The following KIF1A variants were observed in gnomAD, a reference collection of about 807,000 sequenced individuals.
The protein encoded by KIF1A is kinesin-like protein KIF1A.
KIF1A carries 46 observed loss-of-function variants against 227.3 expected under a neutral mutation model. The observed-to-expected ratio is 0.20, with a 90% CI of 0.16 to 0.26. The LOEUF (loss-of-function observed/expected upper bound fraction) is 0.26. Among genes scored for constraint, KIF1A ranks in the 10% least tolerant of loss-of-function variants. The pLI is 1.00. For missense variants in KIF1A, 1,683 were observed against 2,485.9 expected (o/e 0.68, Z 6.87); for synonymous variants, 1,022 against 1,012.8 (o/e 1.01, Z -0.17).
chr2:240,805,426 A>G (rs1408556302), intron 1 of KIF1A, among the ~76,000 whole-genome samples: 1 of 151,934 alleles, frequency 6.6e-6, no homozygotes, highest in Non-Finnish European at 1.5e-5. Flanking sequence ...CACAGAATTA[A>G]TGAACTGGAA....
intron 34 of KIF1A, among the ~76,000 whole-genome samples, chr2:240,742,311 C>T (rs1160320623): frequency 6.6e-6 from 1 of 152,188 alleles, no homozygotes; most frequent in East Asian, 1.9e-4. Context: ...GACCACACTC[C>T]CTCCTTCAGG....
Position 240,793,818 on chromosome 2 carries a change from G to C in KIF1A, c.106+3829C>G, listed in dbSNP as rs1408027580. Among the ~76,000 whole-genome samples the C allele has an allele frequency of 6.6e-6, 1 of 152,194 alleles. No individual in the cohort carries two copies. Among genetic ancestry groups the C allele is most frequent in the Non-Finnish European group, 1.5e-5 (1 of 68,044 alleles). On this transcript the variant is annotated intron_variant, in intron 2 of 48. Coordinates refer to ENST00000498729, the MANE Select transcript of KIF1A (RefSeq NM_001244008.2). The surrounding 1 kb of genome is among the most constrained non-coding windows in gnomAD (Gnocchi z 4.8). ...TTTAGAGAGTGGGGCCTCTCCTCAT[G>C]TTTTGAGACTCCAGGAACAGTCAGC...
Position 240,725,632 on chromosome 2 carries a change from G to A in KIF1A, c.4123-228C>T. The A allele has an allele frequency of 1.9e-6, 1 of 539,656 alleles. No homozygotes were observed. The highest frequency in any genetic ancestry group is 3.3e-6 in the Non-Finnish European group (1 of 305,512). The allele number at this position is 539,656 out of a possible 1,614,324, so 33.4% of individuals were successfully genotyped here. A position where few individuals can be genotyped will look rare whatever the true frequency, so the allele number is the denominator to read the frequency against. ...AGCTCTGTCCACCCCTGGGCTGCCT[G>A]AGGGACTGGTCTCCATGTGTGGGGA... On this transcript the variant is annotated intron_variant, in intron 39 of 48. Transcript: ENST00000498729. This position sits in a 1 kb window ranked among gnomAD's most constrained non-coding sequence, Gnocchi z 5.8.
chr2:240,788,341 A>G lies in KIF1A; in HGVS notation c.184-111T>C, dbSNP rs114898476. ...CAGGGCCTCAGGGTGCCAGGGCAGC[A>G]CAGTGGGGAGGGATGCCTGCCCCCC... is the stretch of plus-strand genomic sequence containing the variant. On this transcript the variant is annotated intron_variant, in intron 3 of 48. Transcript: ENST00000498729. This position sits in a 1 kb window ranked among gnomAD's most constrained non-coding sequence, Gnocchi z 6.6. The G allele has an allele frequency of 3.5e-3, 3,444 of 979,248 alleles. 79 individuals carry two copies. The African/African-American group carries it at 0.046, about 13-fold the overall frequency. The allele number at this position is 979,248 out of a possible 1,614,324, so 60.7% of individuals were successfully genotyped here.
chr2:240,767,483 T>A lies in KIF1A; in HGVS notation c.1498-138A>T. ...CCGCACTTGGCTGGTGCCACCAGGC[T>A]GGTCACTCCAAGCCAGGAAAATGAG... On this transcript the variant is annotated intron_variant, in intron 17 of 48. Coordinates refer to ENST00000498729, the MANE Select transcript of KIF1A (RefSeq NM_001244008.2). The A allele has an allele frequency of 2.0e-5, 14 of 692,470 alleles. No homozygotes were observed. The South Asian group carries it at 2.4e-4, about 12-fold the overall frequency. The allele number at this position is 692,470 out of a possible 1,614,324, so 42.9% of individuals were successfully genotyped here. A position where few individuals can be genotyped will look rare whatever the true frequency, so the allele number is the denominator to read the frequency against.
Position 240,746,039 on chromosome 2 carries a change from C to A in KIF1A, c.3202G>T (p.Ala1068Ser). The part of the protein sequence containing the change: ...ADEVNNNTCS[A>S]VPPEGLLLDS... ...TGGGCAGCTGGGGTGGGCGACCCAC[C>A]TGAACAGGTGTTGTTGTTGACTTCA... The change falls in exon 30 of 49, where the codon GCA becomes TCA. Residue 1068 changes from alanine to serine, a missense_variant and splice_region_variant. Physicochemically the swap from Ala to Ser is moderately conservative, Grantham distance 99. Coordinates refer to ENST00000498729, the MANE Select transcript of KIF1A (RefSeq NM_001244008.2). 6.2e-7 allele frequency: 1 copy of A among 1,607,808 alleles called. No individual in the cohort carries two copies. The highest frequency in any genetic ancestry group is 2.2e-5 in the East Asian group (1 of 44,644).
chr2:240,744,024 T>G lies in KIF1A; in HGVS notation c.3502A>C (p.Ile1168Leu), dbSNP rs1460223242. The part of the protein sequence containing the change: ...VEVTKSFIEY[I>L]KSQPIVFEVF... Reference sequence around the variant, plus strand: ...TCGAAAACAATGGGCTGGCTCTTGATGTACTCAATGAAGGACTTGGTCACC... The same window carrying G: ...TCGAAAACAATGGGCTGGCTCTTGAGGTACTCAATGAAGGACTTGGTCACC... The change falls in exon 33 of 49, where the codon ATC (isoleucine) becomes CTC (leucine). Residue 1168 changes from isoleucine to leucine, a missense_variant. Ile to Leu is a conservative substitution (Grantham distance 5). Transcript: ENST00000498729. The G allele has an allele frequency of 9.3e-6, 15 of 1,613,726 alleles. No homozygotes were observed. Among genetic ancestry groups the G allele is most frequent in the Non-Finnish European group, 1.3e-5 (15 of 1,179,738 alleles).
rs1459851512 is a variant in KIF1A, at chr2:240,778,857, TCA to T, written c.883-2933_883-2932del. On this transcript the variant is annotated intron_variant, in intron 10 of 48. Transcript: ENST00000498729. This position sits in a 1 kb window ranked among gnomAD's most constrained non-coding sequence, Gnocchi z 7.2. ...GCTCACACACTTCCTCACACGTTCC[TCA>T]CACAACCCTTCACGCCATCCCCAAT... Among the ~76,000 whole-genome samples the T allele has an allele frequency of 1.3e-5, 2 of 151,546 alleles. No homozygotes were observed. Among genetic ancestry groups the T allele is most frequent in the African/African-American group, 4.9e-5 (2 of 41,140 alleles).
chr2:240,802,921 T>C (rs1222034330), intron 1 of KIF1A, among the ~76,000 whole-genome samples: 1 of 152,230 alleles, frequency 6.6e-6, no homozygotes, highest in African/African-American at 2.4e-5. Context: ...TGAGTCACCA[T>C]GCCCAGCCTC....
chr2:240,750,575 G>T, intron 27 of KIF1A, 28 bp from the exon 28 acceptor site: 1 of 1,512,820 alleles, frequency 6.6e-7, no homozygotes, highest in Non-Finnish European at 9.2e-7. Flanking sequence ...CGGCGGTCAT[G>T]GGCCACCCCT....
intron 27 of KIF1A, among the ~76,000 whole-genome samples, chr2:240,755,900 C>T (rs2049791993): frequency 6.6e-6 from 1 of 152,062 alleles, no homozygotes. Flanking sequence ...CTGCATGGAA[C>T]TGGCCTTGGG....
rs1045401407 is a variant in KIF1A at position 240,785,592 on chromosome 2, C to A, written c.609-492G>T. Among the ~76,000 whole-genome samples the A allele has an allele frequency of 3.5e-4, 54 of 152,300 alleles. 1 individual carries two copies. The highest frequency in any genetic ancestry group is 3.1e-3 in the Admixed American group (48 of 15,312). ...TGCTGAGGGTGGCCTGGAGTTGGTC[C>A]TGATGCCACCCTGACCTGCCAGGGA... On this transcript the variant is annotated intron_variant, in intron 6 of 48. Transcript: ENST00000498729.
intron 14 of KIF1A, among the ~76,000 whole-genome samples, chr2:240,771,992 G>T (rs964740453): frequency 1.3e-5 from 2 of 152,254 alleles, no homozygotes; most frequent in Non-Finnish European, 2.9e-5. Context: ...GCCAAGCTCG[G>T]GGAGGCACTG....
chr2:240,733,733 C>T (rs1441246234), intron 38 of KIF1A, among the ~76,000 whole-genome samples: 1 of 152,196 alleles, frequency 6.6e-6, no homozygotes, highest in Non-Finnish European at 1.5e-5. Context: ...CCAGGAGCGG[C>T]CTCACACCTC....
At chr2:240,796,420 G>T (rs1294602090) in intron 2 of KIF1A, among the ~76,000 whole-genome samples, 1 of 152,136 alleles carries the variant, frequency 6.6e-6, no homozygotes, top group Non-Finnish European at 1.5e-5. Flanking sequence ...CAAGGCCAGG[G>T]CCCCGGCCAC....
At chr2:240,720,138 G>A (rs1272632473) in intron 45 of KIF1A, 1 of 458,774 alleles carries the variant, frequency 2.2e-6, no homozygotes, top group African/African-American at 2.0e-5. Context: ...GGGCTTGGTG[G>A]GCAGGGTCCC....
intron 1 of KIF1A, among the ~76,000 whole-genome samples, chr2:240,800,497 CCGGGGTGTATTTGCATTCTGCGCA>C (rs959474568): frequency 7.2e-5 from 11 of 152,134 alleles, no homozygotes; most frequent in Non-Finnish European, 1.2e-4. Context: ...AGCACAGCCT[CCGGGGTGTATTTGCATTCTGCGCA>C]CGGGGCAAGA....
At chr2:240,777,302 C>A (rs1238688498) in intron 10 of KIF1A, among the ~76,000 whole-genome samples, 1 of 152,194 alleles carries the variant, frequency 6.6e-6, no homozygotes, top group Non-Finnish European at 1.5e-5. Context: ...CCTCGGGCTC[C>A]CAAAGTGCTG....
At position 240,766,291 on chromosome 2, in the gene KIF1A, C is replaced by T. The variant is rs972949171; in HGVS notation, c.1685-498G>A. Among the ~76,000 whole-genome samples, 5 of 152,232 alleles carry T rather than the reference C, an allele frequency of 3.3e-5. No individual in the cohort carries two copies. Among genetic ancestry groups the T allele is most frequent in the African/African-American group, 9.6e-5 (4 of 41,464 alleles). ...TGGCTGGATGCTGCCGGGAGATGCC[C>T]TTAGCCTGGGCTGTGGGCCATGTGA... is the stretch of plus-strand genomic sequence containing the variant. On this transcript the variant is annotated intron_variant, in intron 19 of 48. Coordinates refer to ENST00000498729, the MANE Select transcript of KIF1A (RefSeq NM_001244008.2). This position sits in a 1 kb window ranked among gnomAD's most constrained non-coding sequence, Gnocchi z 5.0.
Sources: gnomAD v4.1 joint callset for allele counts (sites outside exome capture counted in the v4.1 genomes callset) on GRCh38, gnomAD v4.1.1 for gene constraint, Gnocchi (gnomAD v3.1) non-coding constraint, MANE v1.5 for transcripts, NCBI Gene and HGNC (gene_info 2026-07-23, HGNC 2026-07-21) for gene names.